Variants in PSMA8 observed in about 807,000 individuals in gnomAD.
PSMA8 encodes the protein proteasome 20S subunit alpha 8.
Under a neutral mutation model 32.4 loss-of-function variants are expected in PSMA8, and 18 were observed. The ratio of observed to expected loss-of-function variants is 0.56; its 90% CI spans 0.38 to 0.82. PSMA8 has a LOEUF of 0.82. PSMA8 is among the 40% of genes least tolerant of loss of function. The pLI is 0.00. For synonymous variants in PSMA8, 104 were observed against 98.1 expected (o/e 1.06, Z -0.36); for missense variants, 298 against 300.7 (o/e 0.99, Z 0.07).
intron 4 of PSMA8, among the ~76,000 whole-genome samples, chr18:26,172,951 TG>T (rs949044758): frequency 6.6e-6 from 1 of 152,202 alleles, no homozygotes; most frequent in African/African-American, 2.4e-5. Context: ...TCCTCAGGGT[TG>T]TTGGCCACTA....
intron 6 of PSMA8, among the ~76,000 whole-genome samples, chr18:26,182,644 C>T (rs998772027): frequency 3.3e-5 from 5 of 152,296 alleles, no homozygotes; most frequent in African/African-American, 4.8e-5. Context: ...TGCATCAAGG[C>T]GTAATTTTGA....
chr18:26,190,807 A>C (rs1251633573), intron 6 of PSMA8, among the ~76,000 whole-genome samples: 2 of 152,230 alleles, frequency 1.3e-5, no homozygotes, highest in African/African-American at 2.4e-5. Context: ...TTTCTTCCCC[A>C]AGTAATACCA....
chr18:26,171,455 C>T (rs28538030), intron 4 of PSMA8, among the ~76,000 whole-genome samples: 8,527 of 152,210 alleles, frequency 0.056, 703 homozygotes, highest in African/African-American at 0.18. Flanking sequence ...GAGTTTCGGC[C>T]GGGTGCAGTG....
intron 1 of PSMA8, among the ~76,000 whole-genome samples, chr18:26,139,324 C>T (rs1322460867): frequency 6.6e-6 from 1 of 152,110 alleles, no homozygotes; most frequent in East Asian, 1.9e-4. Flanking sequence ...GTCCAACAAC[C>T]CAGGGGAACT....
intron 6 of PSMA8, among the ~76,000 whole-genome samples, chr18:26,185,440 A>G (rs960143036): frequency 6.6e-6 from 1 of 150,752 alleles, no homozygotes; most frequent in Non-Finnish European, 1.5e-5. Flanking sequence ...TGTTCTAGTA[A>G]GGTTGATTCC....
intron 4 of PSMA8, chr18:26,171,341 G>A: frequency 2.1e-6 from 3 of 1,429,264 alleles, no homozygotes; most frequent in Non-Finnish European, 2.8e-6. Flanking sequence ...GCGCGGTCAA[G>A]TTTGGCGCGA....
At chr18:26,143,685 A>G (rs984101180) in intron 1 of PSMA8, among the ~76,000 whole-genome samples, 1 of 151,840 alleles carries the variant, frequency 6.6e-6, no homozygotes, top group Non-Finnish European at 1.5e-5. Context: ...GACTGCTGTC[A>G]CTCATGGATT....
intron 6 of PSMA8, among the ~76,000 whole-genome samples, chr18:26,181,485 A>G (rs2055311031): frequency 6.6e-6 from 1 of 152,210 alleles, no homozygotes; most frequent in South Asian, 2.1e-4. Context: ...AGTGAAAGGA[A>G]GAGTCTCATG....
intron 2 of PSMA8, among the ~76,000 whole-genome samples, chr18:26,146,936 A>G (rs1042520799): frequency 2.0e-5 from 3 of 152,180 alleles, no homozygotes; most frequent in African/African-American, 7.2e-5. Context: ...TAAGCTTTCA[A>G]TCATGGTAGA....
At chr18:26,185,023 G>T (rs1439679053) in intron 6 of PSMA8, among the ~76,000 whole-genome samples, 1 of 143,262 alleles carries the variant, frequency 7.0e-6, no homozygotes, top group African/African-American at 2.6e-5. Context: ...GGAGACAGAG[G>T]TTACAGTGAG....
At chr18:26,187,611 CA>C (rs769719952) in intron 6 of PSMA8, among the ~76,000 whole-genome samples, 3 of 151,324 alleles carry the variant, frequency 2.0e-5, no homozygotes, top group African/African-American at 4.9e-5. Flanking sequence ...CAATAGAAAC[CA>C]AAAAAGAGCC....
chr18:26,148,283 A>C (rs1387619996), intron 2 of PSMA8, among the ~76,000 whole-genome samples: 3 of 152,152 alleles, frequency 2.0e-5, no homozygotes, highest in Non-Finnish European at 4.4e-5. Context: ...ACTAGTAGCA[A>C]ACCAAATTCA....
chr18:26,156,369 A>C (rs1319945215), intron 3 of PSMA8, among the ~76,000 whole-genome samples: 1 of 152,172 alleles, frequency 6.6e-6, no homozygotes, highest in Non-Finnish European at 1.5e-5. Context: ...TGTGTTTATC[A>C]CAGCAGTATT....
rs570532077 is a variant in PSMA8, at chr18:26,134,046, G to T, written c.81G>T (p.Ala27=). 1.2e-6 allele frequency: 2 copies of T among 1,613,692 alleles called. No homozygotes were observed. The highest frequency in any genetic ancestry group is 1.7e-6 in the Non-Finnish European group (2 of 1,179,668). Residue 27 remains alanine (A), a synonymous_variant, in exon 1 of 7, where the codon GCG becomes GCT. Coordinates refer to ENST00000415576, the MANE Select transcript of PSMA8 (RefSeq NM_001025096.2). ...TTCAAGTTGAATATGCCCAGGAAGC[G>T]GTGAAGAAAGGATCCACCGCGGTGA... is the stretch of plus-strand genomic sequence containing the variant. ...HLFQVEYAQE[A]VKKGSTAVGI...
chr18:26,134,267 T>C (rs2054890310), intron 1 of PSMA8, among the ~76,000 whole-genome samples, 200 bp downstream of exon 1: 1 of 151,908 alleles, frequency 6.6e-6, no homozygotes, highest in Admixed American at 6.6e-5. Flanking sequence ...AGTTAGTAGA[T>C]TTCCCCTATC....
intron 6 of PSMA8, among the ~76,000 whole-genome samples, chr18:26,182,489 AC>A (rs1446636076): frequency 6.6e-6 from 1 of 152,210 alleles, no homozygotes; most frequent in Non-Finnish European, 1.5e-5. Flanking sequence ...TAAGCCCACT[AC>A]TGAGACCTAA....
chr18:26,134,902 C>G (rs548787860), intron 1 of PSMA8, among the ~76,000 whole-genome samples: 1 of 151,564 alleles, frequency 6.6e-6, no homozygotes, highest in Non-Finnish European at 1.5e-5. Flanking sequence ...TGCGGTGAGC[C>G]GAGATCGTGC....
intron 4 of PSMA8, among the ~76,000 whole-genome samples, chr18:26,176,822 A>G (rs1228246294): frequency 6.6e-6 from 1 of 151,998 alleles, no homozygotes; most frequent in South Asian, 2.1e-4. Flanking sequence ...AATCCCAGCT[A>G]CTCGGGAGGC....
intron 4 of PSMA8, among the ~76,000 whole-genome samples, chr18:26,163,260 T>C (rs1332126337): frequency 9.2e-6 from 1 of 108,222 alleles, no homozygotes; most frequent in Non-Finnish European, 1.9e-5. Context: ...TATATATATA[T>C]ATGCTGTGAG....
Sources: gnomAD v4.1 joint callset for allele counts (sites outside exome capture counted in the v4.1 genomes callset) on GRCh38, gnomAD v4.1.1 for gene constraint, MANE v1.5 for transcripts, NCBI Gene and HGNC (gene_info 2026-07-23, HGNC 2026-07-21) for gene names.